The following NKAIN2 variants were observed in gnomAD, a reference collection of about 807,000 sequenced individuals.
NKAIN2 encodes sodium/potassium-transporting ATPase subunit beta-1-interacting protein 2.
In NKAIN2, 14 loss-of-function variants were observed where a neutral mutation model predicts 32.6. The observed-to-expected ratio is 0.43, with a 90% CI of 0.28 to 0.67. The LOEUF (loss-of-function observed/expected upper bound fraction) is 0.67, where lower values mean the gene tolerates loss of function less well. Ranked by LOEUF, NKAIN2 falls within the 30% of genes least tolerant of loss-of-function variation. The pLI, the probability that NKAIN2 is intolerant of heterozygous loss-of-function variation, is 0.17. For missense variants in NKAIN2, 198 were observed against 258.3 expected, an observed-to-expected ratio of 0.77 and a Z score of 1.60; for synonymous variants, 80 against 87.2, an observed-to-expected ratio of 0.92 and a Z score of 0.46.
intron 1 of NKAIN2, among the ~76,000 whole-genome samples, chr6:123,985,442 A>AAAAT (rs1355258441): frequency 6.6e-6 from 1 of 152,134 alleles, no homozygotes; most frequent in Non-Finnish European, 1.5e-5. Flanking sequence ...CAAACAAACA[A>AAAAT]AAATCAATTC....
At chr6:124,168,195 A>G (rs747844042) in intron 1 of NKAIN2, among the ~76,000 whole-genome samples, 3 of 152,154 alleles carry the variant, frequency 2.0e-5, no homozygotes, top group Non-Finnish European at 4.4e-5. Context: ...GTCAGTTTGT[A>G]TTAGTATTGC....
chr6:123,970,536 C>T (rs1778291696), intron 1 of NKAIN2, among the ~76,000 whole-genome samples: 1 of 152,114 alleles, frequency 6.6e-6, no homozygotes, highest in South Asian at 2.1e-4. Flanking sequence ...AGCTTTCTGA[C>T]TTGAAAGATG....
intron 3 of NKAIN2, among the ~76,000 whole-genome samples, chr6:124,575,233 G>C (rs559055785): frequency 6.6e-6 from 1 of 152,104 alleles, no homozygotes; most frequent in Non-Finnish European, 1.5e-5. Context: ...CACTGGCAAG[G>C]TCTGTCCCCT....
chr6:124,486,506 C>G (rs928382885), intron 3 of NKAIN2, among the ~76,000 whole-genome samples: 4 of 152,088 alleles, frequency 2.6e-5, no homozygotes, highest in Admixed American at 2.6e-4. Context: ...CCAGTTCTCT[C>G]TACTGTTTTA....
chr6:124,802,664 T>C (rs1261369571), intron 5 of NKAIN2, among the ~76,000 whole-genome samples: 3 of 152,208 alleles, frequency 2.0e-5, no homozygotes, highest in African/African-American at 7.2e-5. Context: ...ATTCCCTTCA[T>C]CGTGGATCAC....
chr6:123,993,239 T>C (rs1779486942), intron 1 of NKAIN2, among the ~76,000 whole-genome samples: 1 of 152,156 alleles, frequency 6.6e-6, no homozygotes, highest in Non-Finnish European at 1.5e-5. Context: ...TTATAAGTGC[T>C]AGTTAGTCTA....
At chr6:124,348,747 A>G (rs1798569594) in intron 2 of NKAIN2, among the ~76,000 whole-genome samples, 1 of 152,204 alleles carries the variant, frequency 6.6e-6, no homozygotes, top group Non-Finnish European at 1.5e-5. Context: ...CAGTGGGCAC[A>G]GGTCAGTGGG....
intron 1 of NKAIN2, among the ~76,000 whole-genome samples, chr6:123,939,202 A>T (rs949673922): frequency 6.6e-6 from 1 of 151,950 alleles, no homozygotes. Context: ...TAGAGTGCCA[A>T]TCAGGAAACT....
chr6:124,201,537 AT>A (rs1476090521), intron 1 of NKAIN2, among the ~76,000 whole-genome samples: 1 of 152,028 alleles, frequency 6.6e-6, no homozygotes, highest in African/African-American at 2.4e-5. Flanking sequence ...ACATGGATGT[AT>A]GCACATCTGT....
chr6:124,609,796 G>C (rs1237628636), intron 3 of NKAIN2, among the ~76,000 whole-genome samples: 1 of 152,094 alleles, frequency 6.6e-6, no homozygotes, highest in African/African-American at 2.4e-5. Flanking sequence ...AATAGACAGA[G>C]TGGGGTAGTG....
intron 1 of NKAIN2, among the ~76,000 whole-genome samples, chr6:124,193,102 A>G (rs907243148): frequency 6.6e-6 from 1 of 152,108 alleles, no homozygotes; most frequent in African/African-American, 2.4e-5. Context: ...GGGTGCATAC[A>G]CATTTAGAAT....
intron 3 of NKAIN2, among the ~76,000 whole-genome samples, chr6:124,554,265 A>G (rs1163001505): frequency 1.3e-5 from 2 of 152,222 alleles, no homozygotes; most frequent in East Asian, 1.9e-4. Flanking sequence ...GCTGCTTTAA[A>G]TCAGACATTT....
chr6:123,911,291 A>G (rs1775165340), intron 1 of NKAIN2, among the ~76,000 whole-genome samples: 1 of 152,166 alleles, frequency 6.6e-6, no homozygotes, highest in South Asian at 2.1e-4. Context: ...AGGCTGTACA[A>G]GAAACATGGT....
At chr6:124,263,011 T>C (rs1794320707) in intron 1 of NKAIN2, among the ~76,000 whole-genome samples, 1 of 152,180 alleles carries the variant, frequency 6.6e-6, no homozygotes, top group African/African-American at 2.4e-5. Context: ...CATATAAAGT[T>C]CATGACAAAT....
At chr6:124,258,060 G>A (rs1246647958) in intron 1 of NKAIN2, among the ~76,000 whole-genome samples, 5 of 151,854 alleles carry the variant, frequency 3.3e-5, no homozygotes, top group African/African-American at 1.2e-4. Flanking sequence ...GATTACAGGT[G>A]TGAGCCACCG....
intron 1 of NKAIN2, among the ~76,000 whole-genome samples, chr6:123,896,330 A>G (rs965383459): frequency 5.3e-5 from 8 of 152,224 alleles, no homozygotes; most frequent in African/African-American, 1.9e-4. Context: ...GATATTTTCC[A>G]TATTTGAATT....
intron 1 of NKAIN2, among the ~76,000 whole-genome samples, chr6:124,091,671 T>C (rs186636875): frequency 1.4e-3 from 217 of 151,540 alleles, no homozygotes; most frequent in African/African-American, 4.6e-3. Context: ...ATTTTTTTTT[T>C]CCCCCCAGCT....
At chr6:124,145,969 A>G (rs1787378283) in intron 1 of NKAIN2, among the ~76,000 whole-genome samples, 1 of 150,640 alleles carries the variant, frequency 6.6e-6, no homozygotes, top group Non-Finnish European at 1.5e-5. Context: ...ACATGAAACT[A>G]TACATATAAT....
At chr6:124,649,460 A>T (rs1583580964) in intron 3 of NKAIN2, among the ~76,000 whole-genome samples, 1 of 152,298 alleles carries the variant, frequency 6.6e-6, no homozygotes, top group Admixed American at 6.5e-5. Context: ...AAAAAATTGA[A>T]TCAGCAATTA....
Sources: allele counts gnomAD v4.1 joint callset (sites outside exome capture counted in the v4.1 genomes callset), GRCh38; gene constraint gnomAD v4.1.1; transcripts MANE v1.5; gene names NCBI Gene and HGNC (gene_info 2026-07-23, HGNC 2026-07-21).